Variants in TRMT1L observed in about 807,000 individuals in gnomAD.
The protein encoded by TRMT1L is tRNA (guanine(27)-N(2))-dimethyltransferase.
Under a neutral mutation model 81.6 loss-of-function variants are expected in TRMT1L, and 28 were observed. That is an observed-to-expected ratio of 0.34 (90% CI 0.25 to 0.47). TRMT1L has a LOEUF of 0.47. Ranked by LOEUF, TRMT1L falls within the 20% of genes least tolerant of loss-of-function variation. TRMT1L has a pLI of 1.00. For missense variants in TRMT1L, 739 were observed against 877.1 expected (o/e 0.84, Z 1.99); for synonymous variants, 301 against 303.2 (o/e 0.99, Z 0.07).
intron 2 of TRMT1L, among the ~76,000 whole-genome samples, chr1:185,151,496 C>A (rs1203529258): frequency 6.6e-6 from 1 of 152,174 alleles, no homozygotes; most frequent in Non-Finnish European, 1.5e-5. Flanking sequence ...CTTGGGACTT[C>A]ATTTACCTGA....
rs892283410 is a variant in TRMT1L at position 185,156,810 on chromosome 1, G to A, written c.-98C>T. The A allele has an allele frequency of 2.0e-6, 3 of 1,507,600 alleles. No homozygotes were observed. Among genetic ancestry groups the A allele is most frequent in the African/African-American group, 1.4e-5 (1 of 70,688 alleles). 93.4% of individuals were successfully genotyped at this position (1,507,600 alleles called of 1,614,324 possible). A position where few individuals can be genotyped will look rare whatever the true frequency, so the allele number is the denominator to read the frequency against. On this transcript the variant is annotated 5_prime_UTR_variant, in exon 1 of 15. Coordinates refer to ENST00000367506, the MANE Select transcript of TRMT1L (RefSeq NM_030934.5). ...GAATGCCCACAGGGCTGGATCCAAG[G>A]AGTGGGGAAGCAAGTGGGGAGGGCG...
intron 7 of TRMT1L, among the ~76,000 whole-genome samples, chr1:185,141,046 C>T (rs2102246756): frequency 6.6e-6 from 1 of 151,928 alleles, no homozygotes; most frequent in South Asian, 2.1e-4. Flanking sequence ...AAAAGGGCCC[C>T]TTTTCACAGT....
intron 3 of TRMT1L, among the ~76,000 whole-genome samples, chr1:185,149,628 T>C (rs555159548): frequency 6.6e-6 from 1 of 151,948 alleles, no homozygotes; most frequent in East Asian, 1.9e-4. Flanking sequence ...TCTAAGGCAC[T>C]CCTAGGAGAG....
intron 10 of TRMT1L, among the ~76,000 whole-genome samples, chr1:185,132,693 A>G (rs1162700590): frequency 1.3e-5 from 2 of 152,102 alleles, no homozygotes; most frequent in Admixed American, 6.5e-5. Flanking sequence ...AGAAAATAAT[A>G]TAACACTACA....
chr1:185,139,987 T>A lies in TRMT1L; in HGVS notation c.1095A>T (p.Arg365Ser), dbSNP rs780755204. 9.9e-6 allele frequency: 16 copies of A among 1,609,822 alleles called. No individual in the cohort carries two copies. The Admixed American group carries it at 1.0e-4, about 10-fold the overall frequency. ...TTTCTACTTACATGAAATCAAAAGA[T>A]CTCAAATGCATCAGTACATTGGCAT... ...KMDANVLMHL[R>S]SFDFIHLDPF... The change falls in exon 8 of 15, where the codon AGA becomes AGT. Residue 365 changes from arginine to serine, a missense_variant. By Grantham distance (110) the Arg-to-Ser change is moderately radical. Transcript: ENST00000367506.
At position 185,150,496 on chromosome 1, in the gene TRMT1L, A is replaced by G. The variant is rs1433988328; in HGVS notation, c.347-4T>C. The G allele has an allele frequency of 6.3e-7, 1 of 1,582,284 alleles. No individual in the cohort carries two copies. The highest frequency in any genetic ancestry group is 1.3e-5 in the African/African-American group (1 of 74,366). On this transcript the variant is annotated splice_polypyrimidine_tract_variant and splice_region_variant and intron_variant, in intron 2 of 14. Transcript: ENST00000367506. ...AATGGACAAGCCTGTCTGTTGCCTT[A>G]AAAAGAAAAAAGAATCAATAAACAA...
intron 13 of TRMT1L, among the ~76,000 whole-genome samples, chr1:185,121,371 G>A (rs1303220963): frequency 1.3e-5 from 2 of 152,058 alleles, no homozygotes; most frequent in Non-Finnish European, 2.9e-5. Context: ...TACTTGGGAG[G>A]CTGAGGTGGC....
At chr1:185,131,851 C>A (rs1652778591) in intron 10 of TRMT1L, among the ~76,000 whole-genome samples, 1 of 152,034 alleles carries the variant, frequency 6.6e-6, no homozygotes, top group South Asian at 2.1e-4. Flanking sequence ...GAAATAACAT[C>A]CCCCAAGGGC....
chr1:185,155,566 G>A (rs935503480), intron 1 of TRMT1L, among the ~76,000 whole-genome samples: 1 of 151,972 alleles, frequency 6.6e-6, no homozygotes, highest in Non-Finnish European at 1.5e-5. Context: ...ACTCAAAACT[G>A]GCCTAGAAGT....
At chr1:185,131,164 T>A (rs1360817527) in intron 10 of TRMT1L, among the ~76,000 whole-genome samples, 1 of 151,982 alleles carries the variant, frequency 6.6e-6, no homozygotes, top group Admixed American at 6.6e-5. Context: ...CACGCCCGGC[T>A]AATTTTTTGT....
At chr1:185,126,298 A>G (rs1350642305) in intron 11 of TRMT1L, among the ~76,000 whole-genome samples, 1 of 151,976 alleles carries the variant, frequency 6.6e-6, no homozygotes, top group Admixed American at 6.6e-5. Context: ...GTAAAATAAA[A>G]CTTTTTTCTT....
rs79124087 is a variant in TRMT1L, at chr1:185,140,070, C to T, written c.1012G>A (p.Asp338Asn). 7.9e-4 allele frequency: 1,274 copies of T among 1,613,762 alleles called. 10 individuals are homozygous for T. In the African/African-American group the frequency reaches 0.014, roughly 18 times the overall value. The stretch of plus-strand genomic sequence containing the variant: ...TTCTCTCCTTCTTCAAGAATATCAT[C>T]ACTCTTTTCCTTTTCCTTACTGTCC... ...VVDSKEKEKS[D>N]DILEEGEKNL... Residue 338 changes from aspartate to asparagine, a missense_variant, in exon 8 of 15, where the codon GAT becomes AAT. Coordinates refer to ENST00000367506, the MANE Select transcript of TRMT1L (RefSeq NM_030934.5).
Position 185,125,032 on chromosome 1 carries a change from C to T in TRMT1L, c.1671G>A (p.Gln557=), listed in dbSNP as rs771416721. Residue 557 remains glutamine, a synonymous_variant, in exon 12 of 15, where the codon CAG becomes CAA. Transcript: ENST00000367506. Reference sequence around the variant, plus strand: ...CAAAGATTAATGTCTTTATTAGGGTCTGAATGTCATCCAAACCATGGTGAA... The same window carrying T: ...CAAAGATTAATGTCTTTATTAGGGTTTGAATGTCATCCAAACCATGGTGAA... ...ESLHHGLDDI[Q]TLIKTLIFES... 1.1e-5 allele frequency: 18 copies of T among 1,613,072 alleles called. No homozygotes were observed. The highest frequency in any genetic ancestry group is 1.4e-5 in the Non-Finnish European group (17 of 1,179,510).
chr1:185,140,221 C>A lies in TRMT1L; in HGVS notation c.861G>T (p.Gly287=). The part of the protein sequence containing the change: ...LECLDAFGAT[G]IMGLQWAKHL... ...GTTTTGCCCACTGTAATCCCATTAT[C>A]CCTTAGGAAAAATGGGAAGAAAATG... The change falls in exon 8 of 15, where the codon GGG becomes GGT. Residue 287 remains glycine, a splice_region_variant and synonymous_variant. Transcript: ENST00000367506. The A allele has an allele frequency of 1.9e-6, 3 of 1,593,580 alleles. No individual in the cohort carries two copies. The highest frequency in any genetic ancestry group is 2.3e-5 in the South Asian group (2 of 87,440).
chr1:185,126,647 T>G (rs1652637239), intron 11 of TRMT1L, among the ~76,000 whole-genome samples: 1 of 152,114 alleles, frequency 6.6e-6, no homozygotes, highest in African/African-American at 2.4e-5. Flanking sequence ...AAAGTACAAT[T>G]TGAATTGGAG....
intron 9 of TRMT1L, among the ~76,000 whole-genome samples, chr1:185,138,783 A>C (rs1652962694): frequency 6.6e-6 from 1 of 152,198 alleles, no homozygotes; most frequent in Non-Finnish European, 1.5e-5. Flanking sequence ...AATGGATATA[A>C]AAGAAATGAC....
chr1:185,136,816 T>C (rs186922790), intron 10 of TRMT1L, among the ~76,000 whole-genome samples: 1 of 152,122 alleles, frequency 6.6e-6, no homozygotes, highest in Admixed American at 6.5e-5. Flanking sequence ...CAAATACATG[T>C]GGAAATTTAG....
chr1:185,133,974 A>G (rs1351714755), intron 10 of TRMT1L, among the ~76,000 whole-genome samples: 3 of 152,188 alleles, frequency 2.0e-5, no homozygotes, highest in Non-Finnish European at 4.4e-5. Flanking sequence ...ATGTAGTCCA[A>G]CGTGGAAGGG....
At chr1:185,147,395 AATT>A (rs1223347026) in intron 3 of TRMT1L, 149 bp from the exon 4 acceptor site, 2 of 612,126 alleles carry the variant, frequency 3.3e-6, no homozygotes, top group Non-Finnish European at 5.7e-6. Flanking sequence ...TAGTTTATAC[AATT>A]ATTATACATG....
Sources: allele counts gnomAD v4.1 joint callset (sites outside exome capture counted in the v4.1 genomes callset), GRCh38; gene constraint gnomAD v4.1.1; transcripts MANE v1.5; gene names NCBI Gene and HGNC (gene_info 2026-07-23, HGNC 2026-07-21).